Variants in BCAS3 observed in about 807,000 individuals in gnomAD.
The protein encoded by BCAS3 is BCAS3 microtubule associated cell migration factor.
Under a neutral mutation model 116.1 loss-of-function variants are expected in BCAS3, and 53 were observed. The observed-to-expected ratio is 0.46, with a 90% CI of 0.37 to 0.57. The LOEUF (loss-of-function observed/expected upper bound fraction) is 0.57. BCAS3 is among the 20% of genes least tolerant of loss of function. The pLI, the probability that BCAS3 is intolerant of heterozygous loss-of-function variation, is 0.00. For missense variants in BCAS3, 917 were observed against 1,165.4 expected (o/e 0.79, Z 3.10); for synonymous variants, 391 against 408.2 (o/e 0.96, Z 0.51).
chr17:60,777,229 C>G (rs1461067783), intron 6 of BCAS3, among the ~76,000 whole-genome samples: 1 of 152,104 alleles, frequency 6.6e-6, no homozygotes, highest in African/African-American at 2.4e-5. Flanking sequence ...TATTCTCTTC[C>G]TCTACTACTA....
chr17:60,837,461 G>A (rs946178801), intron 7 of BCAS3, among the ~76,000 whole-genome samples: 2 of 151,808 alleles, frequency 1.3e-5, no homozygotes, highest in Non-Finnish European at 1.5e-5. Context: ...TGAAAGAAGG[G>A]GCATCACTAC....
In BCAS3 at chr17:61,368,385, C is replaced by T. The variant is rs1309211320; in HGVS notation, c.2484C>T (p.Phe828=). The T allele has an allele frequency of 6.2e-6, 10 of 1,612,546 alleles. 1 individual carries two copies. Among genetic ancestry groups the T allele is most frequent in the African/African-American group, 1.3e-5 (1 of 74,908 alleles). Residue 828 remains phenylalanine, a synonymous_variant, in exon 23 of 24, where the codon TTC becomes TTT. Coordinates refer to ENST00000407086, the MANE Select transcript of BCAS3 (RefSeq NM_017679.5). The surrounding 1 kb of genome is among the most constrained non-coding windows in gnomAD (Gnocchi z 6.0). ...TGTGCGGGAGCTGGCCTGAGGGCTT[C>T]GGGCTGCGGCACATGTCCTCCATGG... is the stretch of plus-strand genomic sequence containing the variant. ...LEVCGSWPEG[F]GLRHMSSMEH... is the part of the protein sequence containing the mutation.
At chr17:60,950,439 A>C (rs1424337907) in intron 14 of BCAS3, among the ~76,000 whole-genome samples, 1 of 152,168 alleles carries the variant, frequency 6.6e-6, no homozygotes, top group Admixed American at 6.5e-5. Flanking sequence ...ACCATGAATG[A>C]GGTGTTATTT....
intron 6 of BCAS3, among the ~76,000 whole-genome samples, chr17:60,754,319 C>T (rs1009767307): frequency 5.9e-5 from 9 of 152,136 alleles, no homozygotes; most frequent in South Asian, 2.1e-4. Flanking sequence ...GATCCCCCTT[C>T]CTCAACCTCC....
At chr17:61,216,927 A>G (rs1232994496) in intron 22 of BCAS3, among the ~76,000 whole-genome samples, 1 of 152,088 alleles carries the variant, frequency 6.6e-6, no homozygotes, top group Non-Finnish European at 1.5e-5. Context: ...TTGAATCTAA[A>G]TACCTTCATA....
At chr17:60,722,577 A>G (rs757191893) in intron 5 of BCAS3, among the ~76,000 whole-genome samples, 2 of 151,916 alleles carry the variant, frequency 1.3e-5, no homozygotes, top group East Asian at 1.9e-4. Flanking sequence ...CCTGGCCAAC[A>G]TGGTGAAACC....
rs1480767692 is a variant in BCAS3, at chr17:60,885,020, ATCTG to A, written c.662-4671_662-4668del. Among the ~76,000 whole-genome samples the A allele has an allele frequency of 9.4e-5, 4 of 42,496 alleles. No individual in the cohort carries two copies. In the Admixed American group the frequency reaches 1.1e-3, roughly 12 times the overall value. The allele number at this position is 42,496 out of a possible 152,430, so 27.9% of individuals were successfully genotyped here. ...TCCTTGTTGACTTTCTGTCTCGTTG[ATCTG>A]TCTAATGTTGACAGTGGGGTGTTAA... On this transcript the variant is annotated intron_variant, in intron 9 of 23. Transcript: ENST00000407086.
chr17:60,922,206 A>C (rs1393195926), intron 12 of BCAS3, among the ~76,000 whole-genome samples: 2 of 152,192 alleles, frequency 1.3e-5, no homozygotes, highest in South Asian at 2.1e-4. Context: ...AGCTCACTGC[A>C]ACCTCCGCCT....
rs999903376 is a variant in BCAS3 at position 61,243,840 on chromosome 17, C to T, written c.2426-124487C>T. ...CTGCTCTGTCAACCAGGCTGGAGTG[C>T]GCTGGTATGACCATAGGTCTCTGCA... On this transcript the variant is annotated intron_variant, in intron 22 of 23. Transcript: ENST00000407086. This position sits in a 1 kb window ranked among gnomAD's most constrained non-coding sequence, Gnocchi z 5.6. Among the ~76,000 whole-genome samples, 7 of 152,140 alleles carry T rather than the reference C, an allele frequency of 4.6e-5. No homozygotes were observed. The highest frequency in any genetic ancestry group is 1.3e-4 in the Admixed American group (2 of 15,268).
intron 22 of BCAS3, among the ~76,000 whole-genome samples, chr17:61,274,137 G>A (rs1000781377): frequency 1.3e-5 from 2 of 151,050 alleles, no homozygotes; most frequent in Admixed American, 6.6e-5. Context: ...AGTCCCCGGT[G>A]TGTGATGTTC....
At chr17:61,177,430 A>G (rs60131728) in intron 22 of BCAS3, among the ~76,000 whole-genome samples, 8,383 of 152,254 alleles carry the variant, frequency 0.055, 785 homozygotes, top group African/African-American at 0.19. Flanking sequence ...TCAAATAAGC[A>G]AAAGGAGCCA....
intron 6 of BCAS3, among the ~76,000 whole-genome samples, chr17:60,761,992 CATA>C (rs1368330263): frequency 2.0e-5 from 3 of 152,116 alleles, no homozygotes; most frequent in African/African-American, 7.2e-5. Flanking sequence ...CTGTTGGCTG[CATA>C]AATGTCTTCT....
Position 61,098,191 on chromosome 17 carries a change from C to T in BCAS3, c.2425+13627C>T, listed in dbSNP as rs1444961246. Among the ~76,000 whole-genome samples the T allele has an allele frequency of 1.3e-5, 2 of 152,118 alleles. No individual in the cohort carries two copies. The highest frequency in any genetic ancestry group is 2.9e-5 in the Non-Finnish European group (2 of 68,038). ...AATCAATATGGTCTAGAGTTCTTGACCTGAACCTGTAATTACTTGGACATT... is the reference window on the plus strand; with the variant it reads ...AATCAATATGGTCTAGAGTTCTTGATCTGAACCTGTAATTACTTGGACATT... On this transcript the variant is annotated intron_variant, in intron 22 of 23. Transcript: ENST00000407086. The surrounding 1 kb of genome is among the most constrained non-coding windows in gnomAD (Gnocchi z 4.2).
chr17:61,357,465 AAC>A (rs955059692), intron 22 of BCAS3, among the ~76,000 whole-genome samples: 3 of 148,240 alleles, frequency 2.0e-5, no homozygotes, highest in Non-Finnish European at 4.5e-5. Context: ...TTTTTTTTGA[AAC>A]AGAGTCTTGC....
intron 5 of BCAS3, chr17:60,727,208 G>A (rs952345546): frequency 6.3e-5 from 58 of 920,404 alleles, no homozygotes; most frequent in Middle Eastern, 6.8e-4. Context: ...ATCTCCTCCC[G>A]GTTCAAAATG....
intron 10 of BCAS3, among the ~76,000 whole-genome samples, chr17:60,898,189 A>G (rs1299295413): frequency 2.0e-5 from 3 of 152,264 alleles, no homozygotes; most frequent in East Asian, 3.9e-4. Flanking sequence ...TTTGAGTCCT[A>G]TAAATGGGCT....
chr17:61,281,008 C>T lies in BCAS3; in HGVS notation c.2426-87319C>T, dbSNP rs1386034821. On this transcript the variant is annotated intron_variant, in intron 22 of 23. Transcript: ENST00000407086. This position sits in a 1 kb window ranked among gnomAD's most constrained non-coding sequence, Gnocchi z 4.2. ...ACAAAATGGTATAAAAAGAGACCTA[C>T]TCTTATCTCCCAATCCTTGCCCAGA... Among the ~76,000 whole-genome samples, 2 of 152,214 alleles carry T rather than the reference C, an allele frequency of 1.3e-5. No individual in the cohort carries two copies. The highest frequency in any genetic ancestry group is 2.9e-5 in the Non-Finnish European group (2 of 68,028).
In BCAS3 at chr17:61,168,313, C is replaced by T. The variant is rs1601691417; in HGVS notation, c.2425+83749C>T. On this transcript the variant is annotated intron_variant, in intron 22 of 23. Coordinates refer to ENST00000407086, the MANE Select transcript of BCAS3 (RefSeq NM_017679.5). Reference sequence around the variant, plus strand: ...ATTTATATCTATCATGCGGACCTCTCTCGTTCCTTGAGCCTTTTCTATTTC... The same window carrying T: ...ATTTATATCTATCATGCGGACCTCTTTCGTTCCTTGAGCCTTTTCTATTTC... Among the ~76,000 whole-genome samples, 4 of 152,278 alleles carry T rather than the reference C, an allele frequency of 2.6e-5. No individual in the cohort carries two copies. The South Asian group carries it at 8.3e-4, about 32-fold the overall frequency.
chr17:61,372,927 CTT>C (rs1387678045), intron 23 of BCAS3, among the ~76,000 whole-genome samples: 2 of 152,092 alleles, frequency 1.3e-5, no homozygotes, highest in African/African-American at 4.8e-5. Context: ...AGTAAAAAAG[CTT>C]TTTAAATAAA....
Sources: allele counts gnomAD v4.1 joint callset (sites outside exome capture counted in the v4.1 genomes callset), GRCh38; gene constraint gnomAD v4.1.1; non-coding constraint Gnocchi (gnomAD v3.1); transcripts MANE v1.5; gene names NCBI Gene and HGNC (gene_info 2026-07-23, HGNC 2026-07-21).